DPP6: variants seen among roughly 807,000 people sequenced by gnomAD.
The protein encoded by DPP6 is dipeptidyl peptidase like 6.
DPP6 carries 69 observed loss-of-function variants against 122.6 expected under a neutral mutation model. The observed-to-expected ratio is 0.56, with a 90% CI of 0.46 to 0.69. The LOEUF (loss-of-function observed/expected upper bound fraction) is 0.69. Among genes scored for constraint, DPP6 ranks in the 30% least tolerant of loss-of-function variants. The pLI is 0.00. For missense variants in DPP6, 928 were observed against 1,116.9 expected (o/e 0.83, Z 2.41); for synonymous variants, 418 against 433.1 (o/e 0.97, Z 0.43).
intron 7 of DPP6, among the ~76,000 whole-genome samples, chr7:154,722,491 C>G (rs1038698184): frequency 6.6e-6 from 1 of 152,124 alleles, no homozygotes; most frequent in East Asian, 1.9e-4. Context: ...GGATTTGGGT[C>G]GCAGACTAGA....
chr7:154,479,741 G>A (rs1488147168), intron 3 of DPP6, among the ~76,000 whole-genome samples: 4 of 151,894 alleles, frequency 2.6e-5, no homozygotes, highest in African/African-American at 4.8e-5. Flanking sequence ...GAGCCCCTTT[G>A]TGCCATTCTG....
chr7:153,857,046 T>C, the DPP6 span, among the ~76,000 whole-genome samples: 4 of 152,154 alleles, frequency 2.6e-5, no homozygotes, highest in Admixed American at 6.5e-5. Context: ...TTTGCAAGTA[T>C]AGAAAATATT....
intron 17 of DPP6, among the ~76,000 whole-genome samples, chr7:154,861,841 C>CTTCTT (rs1325270686): frequency 1.3e-5 from 2 of 152,084 alleles, no homozygotes; most frequent in African/African-American, 4.8e-5. Context: ...TTGGTGGTCG[C>CTTCTT]TTCTTTTTGT....
At chr7:154,678,666 G>C (rs10247861) in intron 7 of DPP6, among the ~76,000 whole-genome samples, 18,753 of 152,238 alleles carry the variant, frequency 0.12, 1,251 homozygotes, top group African/African-American at 0.17. Context: ...CAATTCCGGA[G>C]AAACTTGTTT....
At chr7:153,973,236 C>G (rs1345043945) in intron 1 of DPP6, among the ~76,000 whole-genome samples, 1 of 152,180 alleles carries the variant, frequency 6.6e-6, no homozygotes, top group Non-Finnish European at 1.5e-5. Context: ...AAGGCTCACT[C>G]TCCTTGGCTT....
chr7:154,080,155 G>A (rs1168611982), intron 1 of DPP6, among the ~76,000 whole-genome samples: 1 of 152,080 alleles, frequency 6.6e-6, no homozygotes, highest in Non-Finnish European at 1.5e-5. Context: ...TACAAGGGAA[G>A]TCAAGAGGAC....
chr7:154,473,448 T>C (rs568862480), intron 2 of DPP6, among the ~76,000 whole-genome samples: 1 of 152,288 alleles, frequency 6.6e-6, no homozygotes, highest in East Asian at 1.9e-4. Flanking sequence ...AAAAGACTGC[T>C]ACACACAGTA....
rs181350705 is a variant in DPP6, at chr7:154,198,566, G to A, written c.243+145503G>A. 1.1e-3 allele frequency among the ~76,000 whole-genome samples: 168 copies of A among 152,096 alleles called. 1 individual carries two copies. The highest frequency in any genetic ancestry group is 3.8e-3 in the African/African-American group (157 of 41,502). ...TGACTTCAAATGATCTGCCCGCCTC[G>A]GCCACCCAAAGTGCTGGGATTACAG... is the stretch of plus-strand genomic sequence containing the variant. On this transcript the variant is annotated intron_variant, in intron 1 of 25. Coordinates refer to ENST00000377770, the MANE Select transcript of DPP6 (RefSeq NM_130797.4).
At chr7:153,892,712 G>A (rs1048839264) in intron 1 of DPP6, among the ~76,000 whole-genome samples, 1 of 152,062 alleles carries the variant, frequency 6.6e-6, no homozygotes, top group Admixed American at 6.5e-5. Flanking sequence ...TGGTCACTTG[G>A]TAACAAAATG....
At chr7:154,226,661 A>G (rs1288989757) in intron 1 of DPP6, among the ~76,000 whole-genome samples, 3 of 152,212 alleles carry the variant, frequency 2.0e-5, no homozygotes, top group Non-Finnish European at 2.9e-5. Context: ...TCGACTCTAC[A>G]TGGGCATCCT....
intron 1 of DPP6, among the ~76,000 whole-genome samples, chr7:154,238,657 T>A: frequency 6.6e-6 from 1 of 152,236 alleles, no homozygotes; most frequent in Admixed American, 6.5e-5. Flanking sequence ...ACGCTGTGAA[T>A]CATTATACTC....
chr7:153,801,922 A>G, the DPP6 span, among the ~76,000 whole-genome samples: 1 of 152,098 alleles, frequency 6.6e-6, no homozygotes, highest in Non-Finnish European at 1.5e-5. Flanking sequence ...TTGTTTACAG[A>G]AAATAATTCT....
At chr7:154,371,117 C>G (rs1291309040) in intron 1 of DPP6, among the ~76,000 whole-genome samples, 2 of 152,066 alleles carry the variant, frequency 1.3e-5, no homozygotes, top group Non-Finnish European at 1.5e-5. Flanking sequence ...GTGGTTCACA[C>G]CTGTTATCCC....
intron 1 of DPP6, among the ~76,000 whole-genome samples, chr7:153,985,509 A>G (rs1796800603): frequency 6.6e-6 from 1 of 152,216 alleles, no homozygotes; most frequent in Non-Finnish European, 1.5e-5. Context: ...CCAGCCTCCC[A>G]TTCTTCCAGG....
the DPP6 span, among the ~76,000 whole-genome samples, chr7:153,828,752 T>C: frequency 3.3e-4 from 50 of 152,330 alleles, no homozygotes; most frequent in African/African-American, 1.2e-3. Flanking sequence ...TGCCTTTCTA[T>C]ACTACTTGCA....
the DPP6 span, among the ~76,000 whole-genome samples, chr7:153,796,793 A>G: frequency 1.3e-5 from 2 of 152,234 alleles, no homozygotes; most frequent in African/African-American, 4.8e-5. Flanking sequence ...TACTCCGTGT[A>G]TATCATCACA....
chr7:154,770,904 T>C (rs1039285864), intron 9 of DPP6, among the ~76,000 whole-genome samples: 1 of 152,006 alleles, frequency 6.6e-6, no homozygotes, highest in African/African-American at 2.4e-5. Context: ...ACACATAGAG[T>C]CTGCCATGCT....
At chr7:154,077,577 A>G (rs1355283147) in intron 1 of DPP6, among the ~76,000 whole-genome samples, 2 of 152,140 alleles carry the variant, frequency 1.3e-5, no homozygotes, top group Non-Finnish European at 2.9e-5. Context: ...CATTGTGACA[A>G]CTGAAAAACT....
At chr7:153,809,256 T>C in the DPP6 span, among the ~76,000 whole-genome samples, 1 of 152,058 alleles carries the variant, frequency 6.6e-6, no homozygotes, top group South Asian at 2.1e-4. Context: ...TTTGATTCTT[T>C]ACTATTGAGT....
Sources: allele counts gnomAD v4.1 joint callset (sites outside exome capture counted in the v4.1 genomes callset), GRCh38; gene constraint gnomAD v4.1.1; transcripts MANE v1.5; gene names NCBI Gene and HGNC (gene_info 2026-07-23, HGNC 2026-07-21).